KDM4C: variants seen among roughly 807,000 people sequenced by gnomAD.
KDM4C encodes lysine-specific demethylase 4C.
A neutral mutation model predicts 129.3 loss-of-function variants in KDM4C; 81 were observed. The ratio of observed to expected loss-of-function variants is 0.63; its 90% CI spans 0.52 to 0.75. The LOEUF (loss-of-function observed/expected upper bound fraction) is 0.75, where lower values mean the gene tolerates loss of function less well. Among genes scored for constraint, KDM4C ranks in the 30% least tolerant of loss-of-function variants. KDM4C has a pLI of 0.00. For missense variants in KDM4C, 1,457 were observed against 1,304.0 expected, an observed-to-expected ratio of 1.12 and a Z score of -1.81; for synonymous variants, 573 against 456.1, an observed-to-expected ratio of 1.26 and a Z score of -3.26.
chr9:7,125,382 G>A (rs1168283035), intron 18 of KDM4C, among the ~76,000 whole-genome samples: 1 of 152,168 alleles, frequency 6.6e-6, no homozygotes, highest in East Asian at 1.9e-4. Flanking sequence ...CTGTGAGATG[G>A]CTTCATGGCA....
At chr9:7,089,576 A>G (rs1256377869) in intron 17 of KDM4C, among the ~76,000 whole-genome samples, 1 of 152,216 alleles carries the variant, frequency 6.6e-6, no homozygotes, top group African/African-American at 2.4e-5. Flanking sequence ...ACATGACACA[A>G]TACTCTTGTG....
intron 8 of KDM4C, among the ~76,000 whole-genome samples, chr9:6,932,670 A>G (rs1348206011): frequency 2.0e-5 from 3 of 152,146 alleles, no homozygotes; most frequent in East Asian, 1.9e-4. Flanking sequence ...CCAAACTGCA[A>G]CCCGTGTGTG....
chr9:6,847,326 ATG>A (rs1838016055), intron 4 of KDM4C, among the ~76,000 whole-genome samples: 1 of 152,226 alleles, frequency 6.6e-6, no homozygotes, highest in African/African-American at 2.4e-5. Context: ...TATAAATAGA[ATG>A]AGATAAAATA....
Position 6,887,990 on chromosome 9 carries a change from A to T in KDM4C, c.710A>T (p.Asp237Val). 6 of 1,611,912 alleles carry T rather than the reference A, an allele frequency of 3.7e-6. No homozygotes were observed. The highest frequency in any genetic ancestry group is 5.1e-6 in the Non-Finnish European group (6 of 1,178,230). The stretch of plus-strand genomic sequence containing the variant: ...TTCCCAAGCAGCTCCCAAGGGTGTG[A>T]TGCATTTCTTCGCCACAAGATGACA... The part of the protein sequence containing the change: ...GFFPSSSQGC[D>V]AFLRHKMTLI... The change falls in exon 7 of 22, where the codon GAT becomes GTT. Residue 237 changes from aspartate (D) to valine (V), a missense_variant. Physicochemically the swap from Asp to Val is radical, Grantham distance 152 (BLOSUM62 -3). Transcript: ENST00000381309.
At chr9:6,887,641 C>A (rs1274856760) in intron 6 of KDM4C, among the ~76,000 whole-genome samples, 1 of 152,128 alleles carries the variant, frequency 6.6e-6, no homozygotes, top group Non-Finnish European at 1.5e-5. Flanking sequence ...TAAATATTTT[C>A]TCCATTTATC....
In KDM4C at chr9:6,984,203, G is replaced by T. The variant is rs1246040405; in HGVS notation, c.1153G>T (p.Ala385Ser). 6.2e-7 allele frequency: 1 copy of T among 1,613,656 alleles called. No individual in the cohort carries two copies. The highest frequency in any genetic ancestry group is 1.3e-5 in the African/African-American group (1 of 74,910). ...CARSTSKRPKADEEEEVSDEV... is the reference protein window; with the variant it reads ...CARSTSKRPKSDEEEEVSDEV... ...TAGGTCTACCTCTAAAAGGCCTAAG[G>T]CTGATGAGGAAGAGGAAGTGTCAGA... The change falls in exon 10 of 22, where the codon GCT becomes TCT. Residue 385 changes from alanine to serine, a missense_variant. By Grantham distance (99) the Ala-to-Ser change is moderately conservative. Coordinates refer to ENST00000381309, the MANE Select transcript of KDM4C (RefSeq NM_015061.6).
At chr9:6,722,807 C>G (rs1588025431) in intron 1 of KDM4C, among the ~76,000 whole-genome samples, 1 of 151,948 alleles carries the variant, frequency 6.6e-6, no homozygotes, top group African/African-American at 2.4e-5. Flanking sequence ...GCCACCGCAT[C>G]CGGCCTACAA....
At chr9:6,745,502 C>G (rs1240558386) in intron 1 of KDM4C, among the ~76,000 whole-genome samples, 1 of 144,378 alleles carries the variant, frequency 6.9e-6, no homozygotes, top group Non-Finnish European at 1.5e-5. Context: ...GAGGCTGAGG[C>G]TGGAGGATTG....
rs574307894 is a variant in KDM4C, at chr9:6,917,682, C to T, written c.921+24450C>T. 3.9e-5 allele frequency among the ~76,000 whole-genome samples: 6 copies of T among 152,340 alleles called. No homozygotes were observed. The South Asian group carries it at 8.3e-4, about 21-fold the overall frequency. Reference sequence around the variant, plus strand: ...GTTCGTTGGCTCTCCCTCTCTCCTCCTGTCTCCATCCTCATTCTTTGCTGA... The same window carrying T: ...GTTCGTTGGCTCTCCCTCTCTCCTCTTGTCTCCATCCTCATTCTTTGCTGA... On this transcript the variant is annotated intron_variant, in intron 8 of 21. Transcript: ENST00000381309.
At chr9:6,854,549 A>C (rs1013767194) in intron 5 of KDM4C, among the ~76,000 whole-genome samples, 7 of 150,224 alleles carry the variant, frequency 4.7e-5, no homozygotes, top group East Asian at 1.9e-4. Flanking sequence ...AAAAAAACAA[A>C]AAAAAAACTA....
chr9:6,732,283 G>A (rs199888292), intron 1 of KDM4C, among the ~76,000 whole-genome samples: 1 of 141,182 alleles, frequency 7.1e-6, no homozygotes, highest in African/African-American at 2.6e-5. Context: ...GAGAATCGCT[G>A]GAACCCGGGA....
chr9:6,789,906 C>T (rs559591914), intron 1 of KDM4C, among the ~76,000 whole-genome samples: 2 of 151,878 alleles, frequency 1.3e-5, no homozygotes, highest in South Asian at 4.2e-4. Flanking sequence ...ATTGTAAGTT[C>T]CTAAAGGGTG....
intron 20 of KDM4C, among the ~76,000 whole-genome samples, chr9:7,166,224 AATG>A (rs1420883212): frequency 1.3e-5 from 2 of 152,214 alleles, no homozygotes; most frequent in African/African-American, 4.8e-5. Flanking sequence ...ACAGCTTGAG[AATG>A]ATAAGACTGT....
intron 4 of KDM4C, among the ~76,000 whole-genome samples, chr9:6,826,796 G>A (rs111872398): frequency 1.3e-5 from 2 of 151,852 alleles, no homozygotes; most frequent in Non-Finnish European, 2.9e-5. Context: ...GAACCTGGGA[G>A]GTAGAGGTTG....
chr9:6,793,577 C>T (rs1412793699), intron 2 of KDM4C, among the ~76,000 whole-genome samples: 2 of 148,806 alleles, frequency 1.3e-5, no homozygotes, highest in Non-Finnish European at 1.5e-5. Flanking sequence ...TTTGCTCTTG[C>T]CGCCCAGGCT....
chr9:7,121,166 C>T (rs1472042177), intron 18 of KDM4C, among the ~76,000 whole-genome samples: 2 of 152,128 alleles, frequency 1.3e-5, no homozygotes, highest in East Asian at 1.9e-4. Flanking sequence ...CTATTTAGCT[C>T]ATGATTCTGT....
At chr9:7,165,476 A>T in intron 20 of KDM4C, 119 bp downstream of exon 20, 1 of 1,150,240 alleles carries the variant, frequency 8.7e-7, no homozygotes, top group Non-Finnish European at 1.2e-6. Flanking sequence ...CTCTTATTTT[A>T]TGCAGGAGGC....
chr9:7,115,811 A>C (rs1838834367), intron 18 of KDM4C, among the ~76,000 whole-genome samples: 2 of 152,252 alleles, frequency 1.3e-5, no homozygotes, highest in Admixed American at 1.3e-4. Flanking sequence ...ATTCCAGAGG[A>C]ATGCCTTATC....
At chr9:7,023,557 C>T (rs1825258612) in intron 15 of KDM4C, among the ~76,000 whole-genome samples, 1 of 151,766 alleles carries the variant, frequency 6.6e-6, no homozygotes, top group African/African-American at 2.4e-5. Context: ...AGAGGTTTGT[C>T]AGTTTTGTTT....
Sources: allele counts gnomAD v4.1 joint callset (sites outside exome capture counted in the v4.1 genomes callset), GRCh38; gene constraint gnomAD v4.1.1; transcripts MANE v1.5; gene names NCBI Gene and HGNC (gene_info 2026-07-23, HGNC 2026-07-21).